SLC7A7: variants seen among roughly 807,000 people sequenced by gnomAD.
The protein encoded by SLC7A7 is Y+L amino acid transporter 1.
In SLC7A7, 39 loss-of-function variants were observed where a neutral mutation model predicts 47.9. That is an observed-to-expected ratio of 0.81 (90% confidence interval 0.63 to 1.06). SLC7A7 has a LOEUF of 1.06. SLC7A7 is among the 50% of genes least tolerant of loss of function. The pLI is 0.00. For missense variants in SLC7A7, 588 were observed against 632.0 expected, an observed-to-expected ratio of 0.93 and a Z score of 0.75; for synonymous variants, 234 against 242.8, an observed-to-expected ratio of 0.96 and a Z score of 0.34.
rs2039347094 is a variant in SLC7A7 at position 22,813,173 on chromosome 14, A to G, written c.226T>C (p.Trp76Arg). The G allele has an allele frequency of 6.2e-7, 1 of 1,614,126 alleles. No homozygotes were observed. Among genetic ancestry groups the G allele is most frequent in the Non-Finnish European group, 8.5e-7 (1 of 1,180,048 alleles). The change falls in exon 2 of 10, where the codon TGG becomes CGG. Residue 76 changes from tryptophan to arginine, a missense_variant. Trp to Arg is a moderately radical substitution (Grantham distance 101). Transcript: ENST00000674313. ...ACGGAGAAGAGGCCCCCGACAGCCCAGATGACCAGAGAGAGACCAAAGGAG... is the reference window on the plus strand; with the variant it reads ...ACGGAGAAGAGGCCCCCGACAGCCCGGATGACCAGAGAGAGACCAAAGGAG... ...SASFGLSLVI[W>R]AVGGLFSVFG...
At chr14:22,781,069 T>C (rs963040388) in intron 2 of SLC7A7, among the ~76,000 whole-genome samples, 1 of 152,188 alleles carries the variant, frequency 6.6e-6, no homozygotes, top group Non-Finnish European at 1.5e-5. Flanking sequence ...ATCGCTTCAT[T>C]GCTCCCTCCT....
At position 22,815,406 on chromosome 14, in the gene SLC7A7, G is replaced by A. The variant is rs923170276; in HGVS notation, c.-129C>T. ...TGCCTTCCAGGATCTGTGGTCTGATGCTCCTCCTTCCCAGCCAGCAGTAAA... is the reference window on the plus strand; with the variant it reads ...TGCCTTCCAGGATCTGTGGTCTGATACTCCTCCTTCCCAGCCAGCAGTAAA... On this transcript the variant is annotated 5_prime_UTR_variant, in exon 1 of 10. Coordinates refer to ENST00000674313, the MANE Select transcript of SLC7A7 (RefSeq NM_003982.4). 2.2e-6 allele frequency: 1 copy of A among 454,402 alleles called. No individual in the cohort carries two copies. Among genetic ancestry groups the A allele is most frequent in the Non-Finnish European group, 4.4e-6 (1 of 226,810 alleles). The allele number at this position is 454,402 out of a possible 1,614,324, so 28.1% of individuals were successfully genotyped here.
chr14:22,780,233 A>G (rs1291324340), intron 2 of SLC7A7, 182 bp from the exon 3 acceptor site: 2 of 647,492 alleles, frequency 3.1e-6, no homozygotes, highest in Non-Finnish European at 5.3e-6. Context: ...TTATCATACA[A>G]AGGCCTCTAT....
chr14:22,806,345 G>C (rs938713768), intron 2 of SLC7A7, among the ~76,000 whole-genome samples: 1 of 151,286 alleles, frequency 6.6e-6, no homozygotes, highest in Admixed American at 6.6e-5. Context: ...ACAGGTGCCC[G>C]CCATCATGCC....
chr14:22,788,659 C>A (rs758257301), intron 2 of SLC7A7, among the ~76,000 whole-genome samples: 15 of 150,576 alleles, frequency 1.0e-4, no homozygotes, highest in East Asian at 2.0e-4. Flanking sequence ...AGCCAAGATC[C>A]TACCACTGCA....
rs751555749 is a variant in SLC7A7, at chr14:22,774,046, T to C, written c.1316A>G (p.Asp439Gly). Residue 439 changes from aspartate (D) to glycine (G), a missense_variant, in exon 9 of 10, where the codon GAT (aspartate) becomes GGT (glycine). Physicochemically the swap from Asp to Gly is moderately conservative, Grantham distance 94. Coordinates refer to ENST00000674313, the MANE Select transcript of SLC7A7 (RefSeq NM_003982.4). The part of the protein sequence containing the change: ...IFLVAVPLYS[D>G]TINSLIGIAI... ...AATGCCGATGAGGGAGTTGATAGTA[T>C]CACTGTAAAGTGGAACAGCCACCAG... 1.2e-6 allele frequency: 2 copies of C among 1,613,944 alleles called. No individual in the cohort carries two copies. The highest frequency in any genetic ancestry group is 1.7e-6 in the Non-Finnish European group (2 of 1,180,022).
chr14:22,811,387 C>T (rs1045043092), intron 2 of SLC7A7, among the ~76,000 whole-genome samples: 5 of 152,112 alleles, frequency 3.3e-5, no homozygotes, highest in African/African-American at 1.2e-4. Context: ...CTAGGCTCTC[C>T]CAGGTTGGAA....
intron 2 of SLC7A7, among the ~76,000 whole-genome samples, chr14:22,792,013 T>C (rs979461994): frequency 7.9e-5 from 12 of 152,106 alleles, no homozygotes; most frequent in South Asian, 4.2e-4. Flanking sequence ...TTTTTTGTAC[T>C]CTTAGTACAG....
intron 2 of SLC7A7, among the ~76,000 whole-genome samples, chr14:22,798,172 C>T (rs1468125239): frequency 1.3e-5 from 2 of 152,264 alleles, no homozygotes; most frequent in East Asian, 3.9e-4. Flanking sequence ...TGGTGGGCAC[C>T]TGTAATCCCA....
intron 2 of SLC7A7, among the ~76,000 whole-genome samples, chr14:22,791,360 GC>G (rs148988579): frequency 0.012 from 1,889 of 152,194 alleles, 42 homozygotes; most frequent in African/African-American, 0.043. Flanking sequence ...CACATACACA[GC>G]CTTCAGCTGA....
At chr14:22,775,379 G>A (rs1009109638) in intron 7 of SLC7A7, 65 bp downstream of exon 7, 13 of 1,242,858 alleles carry the variant, frequency 1.0e-5, no homozygotes, top group Middle Eastern at 1.9e-4. Context: ...TAGAACAGTC[G>A]CTTCTGCTGT....
At chr14:22,776,104 T>C in intron 5 of SLC7A7, 91 bp downstream of exon 5, 1 of 1,570,188 alleles carries the variant, frequency 6.4e-7, no homozygotes, top group South Asian at 1.1e-5. Flanking sequence ...CTTTCAAGGC[T>C]GTCTACCCCC....
In SLC7A7 at chr14:22,795,392, T is replaced by TGC. The variant is rs201629487; in HGVS notation, c.500-15342_500-15341insGC. Among the ~76,000 whole-genome samples the TGC allele has an allele frequency of 9.3e-3, 457 of 49,118 alleles. 3 individuals carry two copies. The highest frequency in any genetic ancestry group is 0.022 in the Middle Eastern group (2 of 92). 32.2% of individuals were successfully genotyped at this position (49,118 alleles called of 152,430 possible). A position where few individuals can be genotyped will look rare whatever the true frequency, so the allele number is the denominator to read the frequency against. On this transcript the variant is annotated intron_variant, in intron 2 of 9. Transcript: ENST00000674313. ...TCTGAGTATTGCTTGCTTGCTTTCTTTCTTTCTTTCTTTCTTTCTTTCTTT... is the reference window on the plus strand; with the variant it reads ...TCTGAGTATTGCTTGCTTGCTTTCTTGCTCTTTCTTTCTTTCTTTCTTTCTTT...
rs745779564 is a variant in SLC7A7 at position 22,773,625 on chromosome 14, A to G, written c.1521T>C (p.Asp507=). The G allele has an allele frequency of 1.2e-6, 2 of 1,614,012 alleles. No individual in the cohort carries two copies. Among genetic ancestry groups the G allele is most frequent in the Admixed American group, 3.3e-5 (2 of 60,022 alleles). The change falls in exon 10 of 10, where the codon GAT becomes GAC. Residue 507 remains aspartate (D), a synonymous_variant. Transcript: ENST00000674313. The part of the protein sequence containing the change: ...EDGGEMPKQR[D]PKSN ...CAGATGGTGTTTAGTTAGATTTGGG[A>G]TCCCGTTGCTTGGGCATCTCTCCTC...
At chr14:22,781,710 C>T (rs995081882) in intron 2 of SLC7A7, among the ~76,000 whole-genome samples, 2 of 152,162 alleles carry the variant, frequency 1.3e-5, no homozygotes, top group Non-Finnish European at 2.9e-5. Context: ...AGCCTCCAGC[C>T]ACTCAACAGC....
rs145590590 is a variant in SLC7A7, at chr14:22,778,268, C to G, written c.770+525G>C. ...CAACAAGTCAGTGGAAAGATCAACT[C>G]TAGGTCCTTGACTTCCTGTCCAGTT... is the stretch of plus-strand genomic sequence containing the variant. On this transcript the variant is annotated intron_variant, in intron 4 of 9. Coordinates refer to ENST00000674313, the MANE Select transcript of SLC7A7 (RefSeq NM_003982.4). Among the ~76,000 whole-genome samples the G allele has an allele frequency of 5.3e-5, 8 of 152,306 alleles. No individual in the cohort carries two copies. In the East Asian group the frequency reaches 1.5e-3, roughly 29 times the overall value.
chr14:22,809,356 T>C (rs1291530201), intron 2 of SLC7A7, among the ~76,000 whole-genome samples: 1 of 151,074 alleles, frequency 6.6e-6, no homozygotes, highest in East Asian at 1.9e-4. Flanking sequence ...TTTTTTTTTT[T>C]TTGAGACAGA....
intron 4 of SLC7A7, among the ~76,000 whole-genome samples, chr14:22,777,400 G>A (rs1003999533): frequency 6.6e-6 from 1 of 152,128 alleles, no homozygotes; most frequent in Non-Finnish European, 1.5e-5. Flanking sequence ...GAAGAGAAGT[G>A]TATGTATCTG....
chr14:22,798,514 T>C (rs1436812324), intron 2 of SLC7A7, among the ~76,000 whole-genome samples: 1 of 152,186 alleles, frequency 6.6e-6, no homozygotes, highest in Non-Finnish European at 1.5e-5. Flanking sequence ...ATTACAGCCA[T>C]GGAGAAGGCA....
Sources: allele counts gnomAD v4.1 joint callset (sites outside exome capture counted in the v4.1 genomes callset), GRCh38; gene constraint gnomAD v4.1.1; transcripts MANE v1.5; gene names NCBI Gene and HGNC (gene_info 2026-07-23, HGNC 2026-07-21).